OXGR1: variants seen among roughly 807,000 people sequenced by gnomAD.
The protein encoded by OXGR1 is 2-oxoglutarate receptor 1.
A neutral mutation model predicts 10.0 loss-of-function variants in OXGR1; 10 were observed. The observed-to-expected ratio is 1.00, with a 90% confidence interval of 0.62 to 1.70. The LOEUF (loss-of-function observed/expected upper bound fraction) is 1.70, where lower values mean the gene tolerates loss of function less well. OXGR1 is among the 40% of genes most tolerant of loss of function. The pLI is 0.00. For synonymous variants in OXGR1, 191 were observed against 155.9 expected, an observed-to-expected ratio of 1.22 and a Z score of -1.68; for missense variants, 398 against 407.6, an observed-to-expected ratio of 0.98 and a Z score of 0.20.
chr13:96,994,045 T>C (rs1393813211), intron 1 of OXGR1, among the ~76,000 whole-genome samples: 1 of 152,156 alleles, frequency 6.6e-6, no homozygotes, highest in Non-Finnish European at 1.5e-5. Context: ...CCAAGTCAAA[T>C]GTCTTCTCGC....
Position 96,987,181 on chromosome 13 carries a change from A to G in OXGR1, c.579T>C (p.Asn193=). The change falls in exon 4 of 4, where the codon AAT becomes AAC. Residue 193 remains asparagine (N), a synonymous_variant. Coordinates refer to ENST00000541038, the MANE Select transcript of OXGR1 (RefSeq NM_001346194.2). ...AAATCAGGTTGTACCACTTAATAGT[A>G]TTGAGTTCATCCGAACTGGTGAGGT... The part of the protein sequence containing the change: ...CLDLTSSDEL[N]TIKWYNLILT... The G allele has an allele frequency of 6.2e-7, 1 of 1,614,138 alleles. No individual in the cohort carries two copies. Among genetic ancestry groups the G allele is most frequent in the Non-Finnish European group, 8.5e-7 (1 of 1,179,990 alleles).
At chr13:96,992,296 C>G (rs1448851016) in intron 2 of OXGR1, 126 bp downstream of exon 2, 2 of 152,142 alleles carry the variant, frequency 1.3e-5, no homozygotes, top group Non-Finnish European at 2.9e-5. Context: ...ATACCCCATT[C>G]TCTATGATGT....
intron 3 of OXGR1, 35 bp from the exon 4 acceptor site, chr13:96,987,868 G>A (rs1214084936): frequency 2.1e-6 from 3 of 1,396,036 alleles, no homozygotes; most frequent in South Asian, 1.7e-5. Context: ...TAATGATAGG[G>A]TAATAAAAAC....
At chr13:96,989,556 T>G (rs936809547) in intron 3 of OXGR1, among the ~76,000 whole-genome samples, 4 of 152,206 alleles carry the variant, frequency 2.6e-5, no homozygotes, top group African/African-American at 9.7e-5. Flanking sequence ...GGTGAGGTAG[T>G]GCTGTGATCA....
chr13:96,988,379 C>T (rs938613933), intron 3 of OXGR1, among the ~76,000 whole-genome samples: 1 of 152,182 alleles, frequency 6.6e-6, no homozygotes, highest in African/African-American at 2.4e-5. Context: ...CCTCTCAGTG[C>T]TGCCTCTCAA....
In OXGR1 at chr13:96,992,932, A is replaced by G. The variant is rs9516800; in HGVS notation, c.-277-360T>C. Reference sequence around the variant, plus strand: ...ACTTAATCTGTTACCTTCTCTCCAGAGTCCTTGGAAGCTCCAAAGCTGGGG... The same window carrying G: ...ACTTAATCTGTTACCTTCTCTCCAGGGTCCTTGGAAGCTCCAAAGCTGGGG... On this transcript the variant is annotated intron_variant, in intron 1 of 3. Coordinates refer to ENST00000541038, the MANE Select transcript of OXGR1 (RefSeq NM_001346194.2). Among the ~76,000 whole-genome samples the G allele has an allele frequency of 4.8e-3, 736 of 152,270 alleles. 2 individuals are homozygous for G. The highest frequency in any genetic ancestry group is 6.9e-3 in the Non-Finnish European group (470 of 68,016).
chr13:96,987,665 T>C lies in OXGR1; in HGVS notation c.95A>G (p.Lys32Arg), dbSNP rs745353469. The C allele has an allele frequency of 5.6e-6, 9 of 1,614,150 alleles. No individual in the cohort carries two copies. The highest frequency in any genetic ancestry group is 3.3e-5 in the Admixed American group (2 of 60,016). The change falls in exon 4 of 4, where the codon AAG (lysine) becomes AGG (arginine). Residue 32 changes from lysine (K) to arginine (R), a missense_variant. Lys to Arg is a conservative substitution (Grantham distance 26). Coordinates refer to ENST00000541038, the MANE Select transcript of OXGR1 (RefSeq NM_001346194.2). ...GNCTDENIPL[K>R]MHYLPVIYGI... ...ATAAATAACAGGGAGGTAGTGCATCTTGAGTGGGATGTTTTCATCAGTGCA... is the reference window on the plus strand; with the variant it reads ...ATAAATAACAGGGAGGTAGTGCATCCTGAGTGGGATGTTTTCATCAGTGCA...
intron 2 of OXGR1, among the ~76,000 whole-genome samples, chr13:96,990,072 A>C (rs1273756083): frequency 6.6e-6 from 1 of 152,218 alleles, no homozygotes; most frequent in African/African-American, 2.4e-5. Context: ...AGATGTTAAA[A>C]GTGCTATTCA....
intron 2 of OXGR1, among the ~76,000 whole-genome samples, chr13:96,990,568 A>G (rs962188370): frequency 6.6e-6 from 1 of 152,192 alleles, no homozygotes; most frequent in Non-Finnish European, 1.5e-5. Flanking sequence ...TGCTGAATGC[A>G]TTAAAGAACA....
In OXGR1 at chr13:96,987,721, A is replaced by G. The variant is rs757129545; in HGVS notation, c.39T>C (p.Asp13=). The part of the protein sequence containing the change: ...EPLDYLANAS[D]FPDYAAAFGN... ...CAAAAGCAGCTGCATAATCGGGGAA[A>G]TCAGAAGCATTTGCTAAATAGTCTA... The change falls in exon 4 of 4, where the codon GAT becomes GAC. Residue 13 remains aspartate (D), a synonymous_variant. Transcript: ENST00000541038. The G allele has an allele frequency of 7.5e-6, 12 of 1,607,598 alleles. No homozygotes were observed. The highest frequency in any genetic ancestry group is 3.3e-4 in the Middle Eastern group (2 of 6,048).
chr13:96,991,434 T>G (rs1396712619), intron 2 of OXGR1, among the ~76,000 whole-genome samples: 1 of 152,234 alleles, frequency 6.6e-6, no homozygotes, highest in Non-Finnish European at 1.5e-5. Context: ...ACCCTGGGTA[T>G]ATTCCCTTCT....
chr13:96,987,296 G>C lies in OXGR1; in HGVS notation c.464C>G (p.Ala155Gly). ...HKTRCAVVAC[A>G]VVWIISLVAV... is the part of the protein sequence containing the mutation. ...TACCAGTGAAATGATCCACACCACA[G>C]CACAGGCTACAACTGCACATCGAGT... The change falls in exon 4 of 4, where the codon GCT (alanine) becomes GGT (glycine). Residue 155 changes from alanine to glycine, a missense_variant. Physicochemically the swap from Ala to Gly is moderately conservative, Grantham distance 60 (BLOSUM62 0). Coordinates refer to ENST00000541038, the MANE Select transcript of OXGR1 (RefSeq NM_001346194.2). 6.2e-7 allele frequency: 1 copy of C among 1,614,232 alleles called. No homozygotes were observed. Among genetic ancestry groups the C allele is most frequent in the Non-Finnish European group, 8.5e-7 (1 of 1,180,042 alleles).
At chr13:96,993,781 A>C (rs961024865) in intron 1 of OXGR1, among the ~76,000 whole-genome samples, 13 of 124,700 alleles carry the variant, frequency 1.0e-4, no homozygotes, top group African/African-American at 4.0e-4. Context: ...GAAGAAAGAC[A>C]TTTCAGGGGA....
chr13:96,986,042 A>G lies in OXGR1; in HGVS notation c.*704T>C, dbSNP rs1212098974. On this transcript the variant is annotated 3_prime_UTR_variant, in exon 4 of 4. Transcript: ENST00000541038. ...CCTTCCCCAGGACATGTTAATAATG[A>G]TGAATACAATTTGATAATTTTCATA... 6.6e-6 allele frequency: 1 copy of G among 152,240 alleles called. No individual in the cohort carries two copies. Among genetic ancestry groups the G allele is most frequent in the Non-Finnish European group, 1.5e-5 (1 of 68,044 alleles). 9.4% of individuals were successfully genotyped at this position (152,240 alleles called of 1,614,324 possible). A position where few individuals can be genotyped will look rare whatever the true frequency, so the allele number is the denominator to read the frequency against.
intron 3 of OXGR1, among the ~76,000 whole-genome samples, chr13:96,989,166 T>A (rs1021869544): frequency 1.3e-5 from 2 of 152,250 alleles, no homozygotes; most frequent in African/African-American, 4.8e-5. Context: ...GATGTATGAA[T>A]GGTACAAGAC....
chr13:96,991,733 A>G (rs1401263887), intron 2 of OXGR1, among the ~76,000 whole-genome samples: 2 of 152,228 alleles, frequency 1.3e-5, no homozygotes, highest in African/African-American at 4.8e-5. Context: ...TGCTGAGTAT[A>G]TACCCAAAAG....
chr13:96,991,950 G>T (rs185085805), intron 2 of OXGR1, among the ~76,000 whole-genome samples: 350 of 152,226 alleles, frequency 2.3e-3, no homozygotes, highest in African/African-American at 8.0e-3. Flanking sequence ...AGAACTGGAG[G>T]TCATTATGGG....
At chr13:96,991,053 C>T (rs1882032816) in intron 2 of OXGR1, among the ~76,000 whole-genome samples, 1 of 151,534 alleles carries the variant, frequency 6.6e-6, no homozygotes, top group Admixed American at 6.6e-5. Context: ...GTTATGGAGA[C>T]CATTTTAAAC....
In OXGR1 at chr13:96,986,784, C is replaced by G. The variant is rs752972723; in HGVS notation, c.976G>C (p.Glu326Gln). The G allele has an allele frequency of 6.2e-7, 1 of 1,610,076 alleles. No homozygotes were observed. The highest frequency in any genetic ancestry group is 8.5e-7 in the Non-Finnish European group (1 of 1,178,904). ...GAGTAACTAATTTTCTTTGCTTGCT[C>G]AAGGTTCCCGCTTACTTTGCATCTC... ...TVRCKVSGNLEQAKKISYSNN... is the reference protein window; with the variant it reads ...TVRCKVSGNLQQAKKISYSNN... Residue 326 changes from glutamate (E) to glutamine (Q), a missense_variant, in exon 4 of 4, where the codon GAG becomes CAG. Physicochemically the swap from Glu to Gln is conservative, Grantham distance 29. Transcript: ENST00000541038.
Sources: allele counts gnomAD v4.1 joint callset (sites outside exome capture counted in the v4.1 genomes callset), GRCh38; gene constraint gnomAD v4.1.1; transcripts MANE v1.5; gene names NCBI Gene and HGNC (gene_info 2026-07-23, HGNC 2026-07-21).